The following DNAH7 variants were observed in gnomAD, a reference collection of about 807,000 sequenced individuals.
DNAH7 encodes the protein axonemal beta dynein heavy chain 7.
DNAH7 carries 397 observed loss-of-function variants against 444.6 expected under a neutral mutation model. The observed-to-expected ratio is 0.89, with a 90% CI of 0.82 to 0.97. The LOEUF (loss-of-function observed/expected upper bound fraction) is 0.97, where lower values mean the gene tolerates loss of function less well. Ranked by LOEUF, DNAH7 falls within the 50% of genes least tolerant of loss-of-function variation. The pLI, the probability that DNAH7 is intolerant of heterozygous loss-of-function variation, is 0.00. For missense variants in DNAH7, 4,902 were observed against 4,800.8 expected, an observed-to-expected ratio of 1.02 and a Z score of -0.62; for synonymous variants, 1,636 against 1,624.4, an observed-to-expected ratio of 1.01 and a Z score of -0.17.
At chr2:195,745,919 G>T (rs918424748) in intron 63 of DNAH7, among the ~76,000 whole-genome samples, 1 of 152,146 alleles carries the variant, frequency 6.6e-6, no homozygotes, top group African/African-American at 2.4e-5. Context: ...AGACCATCAA[G>T]GCTAGGAAGA....
chr2:196,001,797 C>T lies in DNAH7; in HGVS notation c.1051G>A (p.Gly351Ser). ...QGNKKKQLPT[G>S]DSSAKLESFF... ...GATTCCAATTTGGCACTGCTGTCAC[C>T]AGTTGGCAATTGCTTTTTTTTATTA... The change falls in exon 11 of 65, where the codon GGT becomes AGT. Residue 351 changes from glycine (G) to serine (S), a missense_variant. Coordinates refer to ENST00000312428, the MANE Select transcript of DNAH7 (RefSeq NM_018897.3). 6.2e-7 allele frequency: 1 copy of T among 1,612,894 alleles called. No individual in the cohort carries two copies. Among genetic ancestry groups the T allele is most frequent in the Non-Finnish European group, 8.5e-7 (1 of 1,179,476 alleles).
chr2:196,050,492 TTA>T (rs1697396879), intron 3 of DNAH7, among the ~76,000 whole-genome samples: 1 of 152,144 alleles, frequency 6.6e-6, no homozygotes, highest in African/African-American at 2.4e-5. Context: ...ATGGTAAATT[TTA>T]TGTTATGTAT....
chr2:195,754,212 C>T (rs1257316208), intron 63 of DNAH7, 125 bp downstream of exon 63: 3 of 1,058,938 alleles, frequency 2.8e-6, no homozygotes, highest in Admixed American at 2.7e-5. Flanking sequence ...ATTTTTTTCT[C>T]TGGCATTTAA....
At chr2:195,826,112 C>A (rs916810469) in intron 48 of DNAH7, among the ~76,000 whole-genome samples, 5 of 152,178 alleles carry the variant, frequency 3.3e-5, no homozygotes, top group Non-Finnish European at 5.9e-5. Context: ...CAGTGAACAT[C>A]TTTATGAATG....
At chr2:195,778,675 C>CATATATAT (rs1373965951) in intron 58 of DNAH7, among the ~76,000 whole-genome samples, 2 of 71,302 alleles carry the variant, frequency 2.8e-5, no homozygotes, top group Admixed American at 1.7e-4. Context: ...TATATACACA[C>CATATATAT]ACACACATAT....
intron 12 of DNAH7, among the ~76,000 whole-genome samples, chr2:195,990,825 TTAAA>T (rs1215867462): frequency 7.3e-6 from 1 of 136,892 alleles, no homozygotes; most frequent in East Asian, 2.1e-4. Flanking sequence ...ATATATATAC[TTAAA>T]TATATATACA....
intron 51 of DNAH7, among the ~76,000 whole-genome samples, chr2:195,811,245 C>T (rs943150132): frequency 4.6e-5 from 7 of 152,128 alleles, no homozygotes; most frequent in Admixed American, 4.6e-4. Flanking sequence ...AAGTGAACAC[C>T]TTTGTCCTAA....
rs763865749 is a variant in DNAH7 at position 196,026,751 on chromosome 2, C to T, written c.667+9G>A. The T allele has an allele frequency of 4.4e-6, 7 of 1,581,950 alleles. No homozygotes were observed. Among genetic ancestry groups the T allele is most frequent in the South Asian group, 2.3e-5 (2 of 87,894 alleles). On this transcript the variant is annotated intron_variant, in intron 7 of 64. Coordinates refer to ENST00000312428, the MANE Select transcript of DNAH7 (RefSeq NM_018897.3). ...TTGAATTAAAAATCAAAGCATAATA[C>T]CAATTTACCTATGGATTTCCTTACA...
At chr2:195,993,605 T>C (rs978896602) in intron 12 of DNAH7, among the ~76,000 whole-genome samples, 2 of 152,198 alleles carry the variant, frequency 1.3e-5, no homozygotes, top group Non-Finnish European at 2.9e-5. Flanking sequence ...CAAGTATATT[T>C]GAAAACAGGT....
At chr2:195,954,715 C>A (rs576753240) in intron 19 of DNAH7, among the ~76,000 whole-genome samples, 3 of 152,306 alleles carry the variant, frequency 2.0e-5, no homozygotes, top group African/African-American at 7.2e-5. Context: ...TTAATGATTG[C>A]CATTCTAACT....
At chr2:195,995,410 TG>T in intron 12 of DNAH7, 1 of 471,280 alleles carries the variant, frequency 2.1e-6, no homozygotes, top group Non-Finnish European at 4.2e-6. Context: ...GGCGTTTTTC[TG>T]AGGGAGATTT....
intron 9 of DNAH7, among the ~76,000 whole-genome samples, chr2:196,017,529 C>T (rs1233351284): frequency 6.6e-6 from 1 of 150,542 alleles, no homozygotes; most frequent in Non-Finnish European, 1.5e-5. Flanking sequence ...CAAATATAAG[C>T]ACATGCCATA....
intron 35 of DNAH7, among the ~76,000 whole-genome samples, chr2:195,883,642 T>C (rs901226567): frequency 6.6e-6 from 1 of 152,172 alleles, no homozygotes; most frequent in Non-Finnish European, 1.5e-5. Flanking sequence ...GAAAGCTTAA[T>C]AAACTGTAAA....
intron 10 of DNAH7, among the ~76,000 whole-genome samples, chr2:196,005,307 A>AAT (rs370849889): frequency 0.032 from 4,678 of 148,078 alleles, 72 homozygotes; most frequent in Middle Eastern, 0.053. Flanking sequence ...AACAAACAAA[A>AAT]ATATATATAT....
intron 51 of DNAH7, among the ~76,000 whole-genome samples, chr2:195,813,883 C>T (rs1192676448): frequency 6.6e-6 from 1 of 152,220 alleles, no homozygotes; most frequent in Non-Finnish European, 1.5e-5. Context: ...AAGTAAAACA[C>T]TGCACTAGAG....
intron 54 of DNAH7, among the ~76,000 whole-genome samples, chr2:195,806,255 T>A (rs1004913142): frequency 1.3e-5 from 2 of 152,204 alleles, no homozygotes; most frequent in Non-Finnish European, 2.9e-5. Context: ...ATATAATTTA[T>A]TATTTAAAGA....
intron 27 of DNAH7, chr2:195,901,300 AT>A (rs1686690684): frequency 6.6e-6 from 1 of 152,172 alleles, no homozygotes; most frequent in Admixed American, 6.5e-5. Flanking sequence ...TCATACTTCA[AT>A]AAAAAAATCA....
chr2:195,793,344 T>C (rs2105987462), intron 57 of DNAH7, among the ~76,000 whole-genome samples: 1 of 152,340 alleles, frequency 6.6e-6, no homozygotes, highest in South Asian at 2.1e-4. Context: ...AATGAGACTT[T>C]GGTTTTCGTT....
At chr2:195,912,792 C>T (rs1437357497) in intron 24 of DNAH7, among the ~76,000 whole-genome samples, 1 of 152,282 alleles carries the variant, frequency 6.6e-6, no homozygotes, top group Non-Finnish European at 1.5e-5. Flanking sequence ...ACCTCCAATA[C>T]TGGGGGAAGC....
Sources: allele counts gnomAD v4.1 joint callset (sites outside exome capture counted in the v4.1 genomes callset), GRCh38; gene constraint gnomAD v4.1.1; transcripts MANE v1.5; gene names NCBI Gene and HGNC (gene_info 2026-07-23, HGNC 2026-07-21).